The following DOK6 variants were observed in gnomAD, a reference collection of about 807,000 sequenced individuals.
DOK6 encodes downstream of tyrosine kinase 6.
In DOK6, 22 loss-of-function variants were observed where a neutral mutation model predicts 44.0. The observed-to-expected ratio is 0.50, with a 90% CI of 0.36 to 0.71. The LOEUF is 0.71. Among genes scored for constraint, DOK6 ranks in the 30% least tolerant of loss-of-function variants. The pLI is 0.00. For synonymous variants in DOK6, 166 were observed against 145.5 expected, an observed-to-expected ratio of 1.14 and a Z score of -1.01; for missense variants, 340 against 416.4, an observed-to-expected ratio of 0.82 and a Z score of 1.60.
chr18:69,445,549 C>G (rs1979261176), intron 1 of DOK6, among the ~76,000 whole-genome samples: 1 of 151,906 alleles, frequency 6.6e-6, no homozygotes, highest in Admixed American at 6.6e-5. Context: ...GGGATTTAAT[C>G]GAGGTCATCA....
chr18:69,783,032 G>A (rs1277033821), intron 7 of DOK6, among the ~76,000 whole-genome samples: 4 of 152,124 alleles, frequency 2.6e-5, no homozygotes, highest in African/African-American at 4.8e-5. Flanking sequence ...GGTATATTTC[G>A]TTTGCTTGAT....
chr18:69,493,291 G>A (rs948822403), intron 1 of DOK6, among the ~76,000 whole-genome samples: 3 of 152,116 alleles, frequency 2.0e-5, no homozygotes, highest in African/African-American at 4.8e-5. Context: ...TAAGAAGTAA[G>A]GGAGGTTCAA....
chr18:69,450,684 G>A (rs1979435168), intron 1 of DOK6, among the ~76,000 whole-genome samples: 1 of 151,988 alleles, frequency 6.6e-6, no homozygotes, highest in South Asian at 2.1e-4. Flanking sequence ...CCCTCAAAGG[G>A]AAGCCCATCA....
intron 3 of DOK6, among the ~76,000 whole-genome samples, chr18:69,606,273 A>AAAATAAAT (rs139420505): frequency 1.4e-5 from 2 of 142,732 alleles, no homozygotes; most frequent in Non-Finnish European, 3.0e-5. Context: ...ACTCCATCTC[A>AAAATAAAT]AAATAAATAA....
At chr18:69,441,771 G>A (rs910223982) in intron 1 of DOK6, among the ~76,000 whole-genome samples, 1 of 152,118 alleles carries the variant, frequency 6.6e-6, no homozygotes, top group Non-Finnish European at 1.5e-5. Flanking sequence ...ATTGTGAAAA[G>A]CACAATAGGT....
intron 3 of DOK6, among the ~76,000 whole-genome samples, chr18:69,619,618 C>T (rs1018171378): frequency 1.1e-4 from 17 of 152,174 alleles, no homozygotes; most frequent in African/African-American, 4.1e-4. Flanking sequence ...TTCGTGGCAG[C>T]GCTTTACATA....
At chr18:69,822,246 C>T (rs1175240308) in intron 7 of DOK6, among the ~76,000 whole-genome samples, 3 of 152,138 alleles carry the variant, frequency 2.0e-5, no homozygotes, top group Non-Finnish European at 4.4e-5. Flanking sequence ...AATATCACTC[C>T]TTATTGACAT....
At chr18:69,523,687 T>A (rs1373497013) in intron 1 of DOK6, among the ~76,000 whole-genome samples, 1 of 152,022 alleles carries the variant, frequency 6.6e-6, no homozygotes, top group African/African-American at 2.4e-5. Flanking sequence ...AGTTTTTTTC[T>A]TGTCTCTTTG....
intron 2 of DOK6, among the ~76,000 whole-genome samples, chr18:69,589,563 C>T (rs1373875103): frequency 6.6e-6 from 1 of 151,994 alleles, no homozygotes; most frequent in Non-Finnish European, 1.5e-5. Flanking sequence ...TCTCAATTAT[C>T]ATGATGCAAA....
intron 4 of DOK6, among the ~76,000 whole-genome samples, chr18:69,695,776 T>A (rs57917072): frequency 0.035 from 5,321 of 152,298 alleles, 179 homozygotes; most frequent in African/African-American, 0.084. Context: ...TTTTGAATAT[T>A]TGAAAATTGA....
intron 1 of DOK6, among the ~76,000 whole-genome samples, chr18:69,478,049 A>G (rs1980316010): frequency 6.6e-6 from 1 of 152,172 alleles, no homozygotes; most frequent in Admixed American, 6.5e-5. Flanking sequence ...TTACACTAAT[A>G]TTACCTTAAA....
chr18:69,818,791 A>T (rs1232375057), intron 7 of DOK6, among the ~76,000 whole-genome samples: 1 of 152,194 alleles, frequency 6.6e-6, no homozygotes. Context: ...AGCCACGTAG[A>T]GATGATAAAG....
intron 2 of DOK6, among the ~76,000 whole-genome samples, chr18:69,590,354 T>C (rs1006960523): frequency 1.8e-4 from 28 of 152,278 alleles, no homozygotes; most frequent in Admixed American, 1.4e-3. Context: ...TTATGAACTC[T>C]GTATGAGTCA....
intron 3 of DOK6, among the ~76,000 whole-genome samples, chr18:69,649,968 G>T (rs72961488): frequency 0.093 from 14,143 of 151,748 alleles, 766 homozygotes; most frequent in Non-Finnish European, 0.13. Context: ...ATCTCTTATG[G>T]GATCCCCTCC....
chr18:69,584,319 C>T (rs758772689), intron 2 of DOK6, among the ~76,000 whole-genome samples: 1 of 151,890 alleles, frequency 6.6e-6, no homozygotes, highest in Non-Finnish European at 1.5e-5. Context: ...TAGAGTCTCA[C>T]GCTGTCACCC....
At chr18:69,544,946 T>C (rs1004155604) in intron 1 of DOK6, among the ~76,000 whole-genome samples, 26 of 151,012 alleles carry the variant, frequency 1.7e-4, no homozygotes, top group African/African-American at 6.3e-4. Flanking sequence ...CTGGCTAACA[T>C]GGTGAAACCC....
At chr18:69,770,766 C>T (rs1979864519) in intron 7 of DOK6, among the ~76,000 whole-genome samples, 1 of 152,098 alleles carries the variant, frequency 6.6e-6, no homozygotes, top group Non-Finnish European at 1.5e-5. Context: ...TCCCTCATTT[C>T]AACTTCTTTA....
intron 1 of DOK6, among the ~76,000 whole-genome samples, chr18:69,418,150 T>C (rs2051529994): frequency 6.6e-6 from 1 of 152,164 alleles, no homozygotes; most frequent in Non-Finnish European, 1.5e-5. Flanking sequence ...TCCTGGAGCA[T>C]TTCCCTAATG....
In DOK6 at chr18:69,848,054, CACACACACAT is replaced by C. The variant is rs1982389397; in HGVS notation, c.*6672_*6681del. On this transcript the variant is annotated 3_prime_UTR_variant, in exon 8 of 8. Transcript: ENST00000382713. Reference sequence around the variant, plus strand: ...ACACACACACACACACACACACACACACACACACATTTTTGGCTTTTGACCCACTCTGTGT... The same window carrying C: ...ACACACACACACACACACACACACACTTTTGGCTTTTGACCCACTCTGTGT... The C allele has an allele frequency of 1.5e-5, 2 of 130,688 alleles. No homozygotes were observed. The highest frequency in any genetic ancestry group is 5.2e-4 in the South Asian group (2 of 3,812). The allele number at this position is 130,688 out of a possible 1,614,324, so 8.1% of individuals were successfully genotyped here.
Sources: allele counts gnomAD v4.1 joint callset (sites outside exome capture counted in the v4.1 genomes callset), GRCh38; gene constraint gnomAD v4.1.1; transcripts MANE v1.5; gene names NCBI Gene and HGNC (gene_info 2026-07-23, HGNC 2026-07-21).